LINGO2: variants seen among roughly 807,000 people sequenced by gnomAD.
The protein encoded by LINGO2 is leucine rich repeat and Ig domain containing 2, also known as leucine-rich repeat and immunoglobulin-like domain-containing nogo receptor-interacting protein 2.
Under a neutral mutation model 30.6 loss-of-function variants are expected in LINGO2, and 14 were observed. The ratio of observed to expected loss-of-function variants is 0.46; its 90% CI spans 0.30 to 0.72. The LOEUF (loss-of-function observed/expected upper bound fraction) is 0.72, where lower values mean the gene tolerates loss of function less well. Among genes scored for constraint, LINGO2 ranks in the 30% least tolerant of loss-of-function variants. The pLI is 0.07. For synonymous variants in LINGO2, 317 were observed against 288.5 expected (o/e 1.10, Z -1.00); for missense variants, 729 against 751.7 (o/e 0.97, Z 0.35).
the LINGO2 span, among the ~76,000 whole-genome samples, chr9:28,684,621 T>C: frequency 6.7e-6 from 1 of 150,184 alleles, no homozygotes; most frequent in Non-Finnish European, 1.5e-5. Context: ...CAGGTTCAAG[T>C]GATTCTCCTG....
At chr9:28,856,733 T>C in the LINGO2 span, among the ~76,000 whole-genome samples, 1 of 151,998 alleles carries the variant, frequency 6.6e-6, no homozygotes, top group South Asian at 2.1e-4. Flanking sequence ...GGGAAATTAC[T>C]GAAGCGTTTT....
chr9:27,948,916 T>C (rs1563843578), exon 6 of LINGO2: 6 of 1,614,102 alleles, frequency 3.7e-6, no homozygotes, highest in Admixed American at 1.7e-5. Context: ...GCACCATTGT[T>C]TTTTCTGGGC....
chr9:29,056,178 T>C, the LINGO2 span, among the ~76,000 whole-genome samples: 3 of 151,968 alleles, frequency 2.0e-5, no homozygotes, highest in Admixed American at 2.0e-4. Context: ...GGAATCTCCA[T>C]AGTTTTCCAT....
At chr9:28,176,960 T>C (rs986021718) in intron 4 of LINGO2, among the ~76,000 whole-genome samples, 1 of 152,202 alleles carries the variant, frequency 6.6e-6, no homozygotes, top group African/African-American at 2.4e-5. Flanking sequence ...GTCATCTTAG[T>C]TACAAAATTA....
chr9:28,764,723 G>A, the LINGO2 span, among the ~76,000 whole-genome samples: 2 of 151,872 alleles, frequency 1.3e-5, no homozygotes, highest in African/African-American at 4.8e-5. Context: ...CCCTGTTTGT[G>A]AATGACGTAA....
chr9:28,647,104 C>T (rs557867837), intron 1 of LINGO2, among the ~76,000 whole-genome samples: 1 of 152,214 alleles, frequency 6.6e-6, no homozygotes, highest in South Asian at 2.1e-4. Flanking sequence ...CCACTGCTGC[C>T]TCTACTGCTA....
At chr9:28,467,420 G>A (rs1165644296) in intron 2 of LINGO2, among the ~76,000 whole-genome samples, 1 of 152,064 alleles carries the variant, frequency 6.6e-6, no homozygotes. Context: ...CATGAGAAAC[G>A]TATAGATTCT....
chr9:28,870,023 G>GA, the LINGO2 span, among the ~76,000 whole-genome samples: 112 of 146,738 alleles, frequency 7.6e-4, no homozygotes, highest in Admixed American at 2.5e-3. Flanking sequence ...TTCAGAATCA[G>GA]AAAAAAAAAA....
At chr9:28,679,704 T>A in the LINGO2 span, among the ~76,000 whole-genome samples, 88 of 152,190 alleles carry the variant, frequency 5.8e-4, no homozygotes, top group Non-Finnish European at 9.6e-4. Context: ...GATATGGAGA[T>A]AAAAACATGA....
intron 1 of LINGO2, among the ~76,000 whole-genome samples, chr9:28,593,984 C>T (rs182789351): frequency 6.6e-6 from 1 of 151,772 alleles, no homozygotes; most frequent in Non-Finnish European, 1.5e-5. Context: ...ACAATGAACT[C>T]CTTGCTTTCA....
rs1821092551 is a variant in LINGO2, at chr9:28,224,853, C to T, written c.-87+70355G>A. 3.3e-5 allele frequency among the ~76,000 whole-genome samples: 5 copies of T among 152,122 alleles called. No individual in the cohort carries two copies. In the South Asian group the frequency reaches 6.2e-4, roughly 19 times the overall value. ...AAACAAAAAAGAACAAAGCCTGAGGCACCACACTACCGGAATCGAAATATA... is the reference window on the plus strand; with the variant it reads ...AAACAAAAAAGAACAAAGCCTGAGGTACCACACTACCGGAATCGAAATATA... On this transcript the variant is annotated intron_variant, in intron 4 of 5. Transcript: ENST00000379992.
At chr9:28,632,880 G>GAGAGAGAGA (rs1563879250) in intron 1 of LINGO2, among the ~76,000 whole-genome samples, 2 of 64,614 alleles carry the variant, frequency 3.1e-5, no homozygotes, top group African/African-American at 1.3e-4. Flanking sequence ...ATATATATAT[G>GAGAGAGAGA]TAGAGAGAGA....
Position 28,173,687 on chromosome 9 carries a change from T to A in LINGO2, c.-87+121521A>T, listed in dbSNP as rs1298249932. Among the ~76,000 whole-genome samples the A allele has an allele frequency of 2.6e-5, 4 of 152,352 alleles. No homozygotes were observed. The East Asian group carries it at 7.7e-4, about 29-fold the overall frequency. On this transcript the variant is annotated intron_variant, in intron 4 of 5. Coordinates refer to ENST00000379992, the Ensembl canonical transcript of LINGO2. Reference sequence around the variant, plus strand: ...GCCACACTGTCTTTGTGACCAAGAATGGAACGGTTATAAGAATGTTTGTTT... The same window carrying A: ...GCCACACTGTCTTTGTGACCAAGAAAGGAACGGTTATAAGAATGTTTGTTT...
chr9:28,888,832 C>T, the LINGO2 span: 1 of 529,796 alleles, frequency 1.9e-6, no homozygotes, highest in Non-Finnish European at 3.9e-6. Flanking sequence ...AAGGTACCAG[C>T]CATAAAATGT....
chr9:28,277,953 T>G (rs1342844609), intron 4 of LINGO2, among the ~76,000 whole-genome samples: 6 of 151,622 alleles, frequency 4.0e-5, no homozygotes, highest in African/African-American at 1.2e-4. Flanking sequence ...TTAGCCAAGT[T>G]GTGAATGCAA....
chr9:28,073,993 C>T (rs1282873866), intron 4 of LINGO2, among the ~76,000 whole-genome samples: 2 of 152,272 alleles, frequency 1.3e-5, no homozygotes, highest in Non-Finnish European at 1.5e-5. Context: ...TTGTCTTGAG[C>T]ATATCAGAAT....
the LINGO2 span, among the ~76,000 whole-genome samples, chr9:29,110,461 T>C: frequency 1.3e-5 from 2 of 151,082 alleles, no homozygotes; most frequent in East Asian, 2.0e-4. Context: ...GCCTCCCGAG[T>C]AGCTGGGACT....
chr9:29,183,700 T>C, the LINGO2 span, among the ~76,000 whole-genome samples: 1 of 152,104 alleles, frequency 6.6e-6, no homozygotes, highest in African/African-American at 2.4e-5. Context: ...CTTGATCTCC[T>C]CTGCTGCTAT....
chr9:28,205,163 C>T (rs933292303), intron 4 of LINGO2, among the ~76,000 whole-genome samples: 2 of 152,114 alleles, frequency 1.3e-5, no homozygotes, highest in African/African-American at 2.4e-5. Context: ...CACATTTAAG[C>T]GATTTAAGAA....
Sources: allele counts gnomAD v4.1 joint callset (sites outside exome capture counted in the v4.1 genomes callset), GRCh38; gene constraint gnomAD v4.1.1; transcripts MANE v1.5; gene names NCBI Gene and HGNC (gene_info 2026-07-23, HGNC 2026-07-21).